Variants in SH3RF1 observed in about 807,000 individuals in gnomAD.
The protein encoded by SH3RF1 is SH3 domain containing ring finger 1, also known as E3 ubiquitin-protein ligase SH3RF1.
SH3RF1 carries 32 observed loss-of-function variants against 74.0 expected under a neutral mutation model. The ratio of observed to expected loss-of-function variants is 0.43; its 90% CI spans 0.33 to 0.58. The LOEUF (loss-of-function observed/expected upper bound fraction) is 0.58, where lower values mean the gene tolerates loss of function less well. Among genes scored for constraint, SH3RF1 ranks in the 20% least tolerant of loss-of-function variants. The pLI is 0.05. For synonymous variants in SH3RF1, 396 were observed against 439.6 expected (o/e 0.90, Z 1.24); for missense variants, 954 against 1,130.9 (o/e 0.84, Z 2.24).
In SH3RF1 at chr4:169,211,628, T is replaced by C. The variant is rs192254144; in HGVS notation, c.394-54949A>G. Reference sequence around the variant, plus strand: ...CGAGTCTAAACTGTACTTAGTACAATTCAAATGAAGGCCTGCGTGCTTCTA... The same window carrying C: ...CGAGTCTAAACTGTACTTAGTACAACTCAAATGAAGGCCTGCGTGCTTCTA... On this transcript the variant is annotated intron_variant, in intron 2 of 11. Transcript: ENST00000284637. Among the ~76,000 whole-genome samples the C allele has an allele frequency of 7.9e-5, 12 of 152,296 alleles. No homozygotes were observed. In the East Asian group the frequency reaches 1.5e-3, roughly 20 times the overall value.
At chr4:169,138,312 C>T (rs2126955249) in intron 4 of SH3RF1, among the ~76,000 whole-genome samples, 1 of 152,282 alleles carries the variant, frequency 6.6e-6, no homozygotes, top group Non-Finnish European at 1.5e-5. Flanking sequence ...CTCTTTCCTG[C>T]ACAGGTTGGG....
chr4:169,205,752 T>C (rs1397454615), intron 2 of SH3RF1, among the ~76,000 whole-genome samples: 1 of 152,190 alleles, frequency 6.6e-6, no homozygotes, highest in Non-Finnish European at 1.5e-5. Flanking sequence ...CAATGAAATT[T>C]TTCTGACTCA....
intron 2 of SH3RF1, among the ~76,000 whole-genome samples, chr4:169,197,230 G>A (rs889478454): frequency 6.6e-6 from 1 of 152,054 alleles, no homozygotes; most frequent in East Asian, 1.9e-4. Context: ...TTGAGCTCCT[G>A]ACCTCAGGTG....
At chr4:169,131,059 GTT>G (rs1733610970) in intron 5 of SH3RF1, among the ~76,000 whole-genome samples, 1 of 152,140 alleles carries the variant, frequency 6.6e-6, no homozygotes, top group African/African-American at 2.4e-5. Flanking sequence ...CCCAAACATA[GTT>G]TTCTCAGTTC....
rs78769903 is a variant in SH3RF1 at position 169,138,239 on chromosome 4, G to C, written c.766-1619C>G. On this transcript the variant is annotated intron_variant, in intron 4 of 11. Coordinates refer to ENST00000284637, the MANE Select transcript of SH3RF1 (RefSeq NM_020870.4). ...AAAGTAATGCTTTATATTATAGTGG[G>C]AGTGGCCTGAACCTCACTGTAGAGC... Among the ~76,000 whole-genome samples the C allele has an allele frequency of 9.0e-3, 1,365 of 152,288 alleles. 18 individuals carry two copies. Among genetic ancestry groups the C allele is most frequent in the African/African-American group, 0.031 (1,280 of 41,532 alleles).
chr4:169,163,693 T>G (rs1734188533), intron 2 of SH3RF1, among the ~76,000 whole-genome samples: 2 of 152,160 alleles, frequency 1.3e-5, no homozygotes, highest in African/African-American at 4.8e-5. Context: ...GGATTGTCTG[T>G]TCCACCTCAT....
chr4:169,247,532 T>C (rs1217781373), intron 2 of SH3RF1, among the ~76,000 whole-genome samples: 2 of 152,150 alleles, frequency 1.3e-5, no homozygotes, highest in Admixed American at 6.6e-5. Flanking sequence ...TCTGAGAGTC[T>C]GGAATCTAGA....
At chr4:169,195,439 G>A (rs1409072030) in intron 2 of SH3RF1, among the ~76,000 whole-genome samples, 1 of 152,130 alleles carries the variant, frequency 6.6e-6, no homozygotes. Flanking sequence ...GGAGTTCACA[G>A]GATTTCTTGA....
rs756487008 is a variant in SH3RF1 at position 169,122,215 on chromosome 4, C to G, written c.1231G>C (p.Ala411Pro). The G allele has an allele frequency of 5.0e-6, 8 of 1,612,466 alleles. No homozygotes were observed. In the African/African-American group the frequency reaches 9.4e-5, roughly 19 times the overall value. Residue 411 changes from alanine to proline, a missense_variant, in exon 7 of 12, where the codon GCC becomes CCC. By Grantham distance (27) the Ala-to-Pro change is conservative. Coordinates refer to ENST00000284637, the MANE Select transcript of SH3RF1 (RefSeq NM_020870.4). ...PPPLLAATVL[A>P]STPPGATAAA... ...GCGGTGGCGCCTGGTGGTGTGGAGG[C>G]AAGGACAGTGGCAGCCAGGAGAGGG...
intron 2 of SH3RF1, among the ~76,000 whole-genome samples, chr4:169,230,283 A>G (rs1301660736): frequency 6.6e-6 from 1 of 152,244 alleles, no homozygotes; most frequent in Non-Finnish European, 1.5e-5. Flanking sequence ...CCATGTTTAT[A>G]AAGAATCCAA....
intron 2 of SH3RF1, among the ~76,000 whole-genome samples, chr4:169,201,001 T>C (rs1248512554): frequency 6.6e-6 from 1 of 152,134 alleles, no homozygotes; most frequent in East Asian, 1.9e-4. Flanking sequence ...GTCAGTTAAA[T>C]AAATTTTAAA....
At chr4:169,146,708 G>A (rs1733900954) in intron 4 of SH3RF1, among the ~76,000 whole-genome samples, 3 of 152,064 alleles carry the variant, frequency 2.0e-5, no homozygotes, top group African/African-American at 2.4e-5. Flanking sequence ...AGGGGTAAGC[G>A]ATTCTCTTGA....
At chr4:169,191,273 A>G (rs1486532073) in intron 2 of SH3RF1, among the ~76,000 whole-genome samples, 1 of 149,404 alleles carries the variant, frequency 6.7e-6, no homozygotes, top group African/African-American at 2.5e-5. Context: ...TCAAATCAAG[A>G]ACTCAATCCC....
chr4:169,173,074 G>A (rs955469007), intron 2 of SH3RF1, among the ~76,000 whole-genome samples: 1 of 152,058 alleles, frequency 6.6e-6, no homozygotes, highest in African/African-American at 2.4e-5. Flanking sequence ...ATACAAAGAG[G>A]AGTAATAATA....
intron 2 of SH3RF1, among the ~76,000 whole-genome samples, chr4:169,209,027 C>A (rs776417908): frequency 4.6e-5 from 7 of 152,070 alleles, no homozygotes; most frequent in Non-Finnish European, 1.0e-4. Context: ...TGGTGGCTCA[C>A]GCCTGTAATC....
intron 5 of SH3RF1, among the ~76,000 whole-genome samples, chr4:169,134,571 A>C (rs2126953451): frequency 6.6e-6 from 1 of 152,300 alleles, no homozygotes. Flanking sequence ...CACAGAATCA[A>C]AATGATTCCA....
chr4:169,240,292 C>T (rs1474129530), intron 2 of SH3RF1, among the ~76,000 whole-genome samples: 5 of 151,928 alleles, frequency 3.3e-5, no homozygotes, highest in Non-Finnish European at 7.4e-5. Flanking sequence ...ACCTCCTGGG[C>T]TCAAACAGTT....
Position 169,107,025 on chromosome 4 carries a change from G to C in SH3RF1, c.2320C>G (p.Pro774Ala), listed in dbSNP as rs1451500746. 1 of 1,613,882 alleles carries C rather than the reference G, an allele frequency of 6.2e-7. No homozygotes were observed. The highest frequency in any genetic ancestry group is 1.1e-5 in the South Asian group (1 of 91,070). The change falls in exon 11 of 12, where the codon CCT becomes GCT. Residue 774 changes from proline to alanine, a missense_variant. Transcript: ENST00000284637. Reference sequence around the variant, plus strand: ...GTGACCGGTCCGTCCCCGTCCACAGGGCAGGAGCCTGCCCTGCCATGGCCA... The same window carrying C: ...GTGACCGGTCCGTCCCCGTCCACAGCGCAGGAGCCTGCCCTGCCATGGCCA... ...GGGHGRAGSC[P>A]VDGDGPVTTA...
chr4:169,136,552 T>C lies in SH3RF1; in HGVS notation c.834A>G (p.Glu278=). ...TGCTCTGGGCTGCTGCCGAGGAACA[T>C]TCTCCAGCATCAACTCCTGGCACAG... ...KPPVPGVDAG[E]CSSAAAQSST... is the part of the protein sequence containing the mutation. Residue 278 remains glutamate, a synonymous_variant, in exon 5 of 12, where the codon GAA becomes GAG. Transcript: ENST00000284637. 1 of 1,603,668 alleles carries C rather than the reference T, an allele frequency of 6.2e-7. No individual in the cohort carries two copies. The highest frequency in any genetic ancestry group is 1.1e-5 in the South Asian group (1 of 90,130).
Sources: allele counts gnomAD v4.1 joint callset (sites outside exome capture counted in the v4.1 genomes callset), GRCh38; gene constraint gnomAD v4.1.1; transcripts MANE v1.5; gene names NCBI Gene and HGNC (gene_info 2026-07-23, HGNC 2026-07-21).